The following TRPM6 variants were observed in gnomAD, a reference collection of about 807,000 sequenced individuals.
TRPM6 encodes channel kinase 2.
Under a neutral mutation model 247.6 loss-of-function variants are expected in TRPM6, and 111 were observed. That is an observed-to-expected ratio of 0.45 (90% CI 0.38 to 0.52). The LOEUF (loss-of-function observed/expected upper bound fraction) is 0.52. Ranked by LOEUF, TRPM6 falls within the 20% of genes least tolerant of loss-of-function variation. The probability of loss-of-function intolerance (pLI) is 0.00; values close to 1 mark genes in which losing one functional copy is unlikely to be tolerated. For missense variants in TRPM6, 2,126 were observed against 2,421.5 expected (o/e 0.88, Z 2.56); for synonymous variants, 892 against 853.8 (o/e 1.04, Z -0.78).
chr9:74,782,222 T>A (rs1373743915), intron 23 of TRPM6, 140 bp downstream of exon 23: 6 of 638,440 alleles, frequency 9.4e-6, no homozygotes, highest in Non-Finnish European at 1.7e-5. Flanking sequence ...AGTAGTTTTA[T>A]GTGCATATTT....
intron 30 of TRPM6, among the ~76,000 whole-genome samples, chr9:74,749,221 C>T (rs1206860448): frequency 1.3e-5 from 2 of 152,114 alleles, no homozygotes; most frequent in East Asian, 3.9e-4. Context: ...TGTATCCTGT[C>T]GTTAATTGAT....
At chr9:74,779,187 G>A (rs1827330093) in intron 23 of TRPM6, among the ~76,000 whole-genome samples, 1 of 152,162 alleles carries the variant, frequency 6.6e-6, no homozygotes, top group African/African-American at 2.4e-5. Context: ...TGAGGTGGGA[G>A]GATTGCTTGA....
chr9:74,839,959 G>GA (rs1344997956), intron 5 of TRPM6, 65 bp downstream of exon 5: 20 of 1,174,810 alleles, frequency 1.7e-5, no homozygotes, highest in Non-Finnish European at 2.4e-5. Context: ...AGAAAAGAGG[G>GA]AGAGAGGGAG....
At chr9:74,739,265 G>A in intron 35 of TRPM6, 102 bp downstream of exon 35, 5 of 1,139,804 alleles carry the variant, frequency 4.4e-6, no homozygotes, top group South Asian at 2.5e-5. Flanking sequence ...AAGATCATGG[G>A]GAATTTCCCC....
chr9:74,887,511 C>T (rs1344094563), intron 1 of TRPM6: 1 of 1,157,288 alleles, frequency 8.6e-7, no homozygotes, highest in Non-Finnish European at 1.2e-6. Context: ...TGTTTCCCAC[C>T]GCCCCGAGCT....
chr9:74,801,203 G>T (rs1374929469), intron 16 of TRPM6, among the ~76,000 whole-genome samples: 1 of 144,986 alleles, frequency 6.9e-6, no homozygotes, highest in Admixed American at 6.9e-5. Context: ...GTCCCAAAGT[G>T]CTGAGATTAA....
Position 74,887,839 on chromosome 9 carries a change from G to A in TRPM6, c.18C>T (p.Val6=), listed in dbSNP as rs778651330. 6.2e-7 allele frequency: 1 copy of A among 1,614,020 alleles called. No homozygotes were observed. The highest frequency in any genetic ancestry group is 1.7e-5 in the Admixed American group (1 of 60,000). ...CTGAGCTTACCTGCAAGCGCTCCAA[G>A]ACAGGTTGTTCTTTCATCTTTGATT... MKEQP[V]LERLQSQKSW... Residue 6 remains valine, a synonymous_variant, in exon 1 of 39, where the codon GTC becomes GTT. Coordinates refer to ENST00000360774, the MANE Select transcript of TRPM6 (RefSeq NM_017662.5).
Position 74,741,846 on chromosome 9 carries a change from C to T in TRPM6, c.5200+715G>A, listed in dbSNP as rs185500562. Among the ~76,000 whole-genome samples the T allele has an allele frequency of 8.6e-4, 131 of 151,658 alleles. 1 individual carries two copies. Among genetic ancestry groups the T allele is most frequent in the Admixed American group, 7.0e-3 (106 of 15,196 alleles). On this transcript the variant is annotated intron_variant, in intron 33 of 38. Coordinates refer to ENST00000360774, the MANE Select transcript of TRPM6 (RefSeq NM_017662.5). The stretch of plus-strand genomic sequence containing the variant: ...CAGAGGTTAGAGTGAGCCAAGATCC[C>T]GCCATTGCACTCCAGCCTGGGCAAC...
chr9:74,771,768 G>A lies in TRPM6; in HGVS notation c.3471C>T (p.Tyr1157=), dbSNP rs1827050630. 3.1e-6 allele frequency: 5 copies of A among 1,613,368 alleles called. No individual in the cohort carries two copies. Among genetic ancestry groups the A allele is most frequent in the Non-Finnish European group, 3.4e-6 (4 of 1,179,410 alleles). Residue 1157 remains tyrosine (Y), a synonymous_variant, in exon 25 of 39, where the codon TAC becomes TAT. Transcript: ENST00000360774. ...HDFEEQCVEK[Y]FHEKMEDVNC... ...TCACATCTTCCATCTTCTCATGGAA[G>A]TATTTTTCCACGCACTGCTCCTCAA...
chr9:74,729,969 G>T (rs969582393), intron 37 of TRPM6, among the ~76,000 whole-genome samples: 4 of 152,074 alleles, frequency 2.6e-5, no homozygotes, highest in African/African-American at 9.7e-5. Context: ...TAAGACAAAA[G>T]AATCAAAATT....
Position 74,886,631 on chromosome 9 carries a change from G to A in TRPM6, c.33+1193C>T, listed in dbSNP as rs1262479423. Among the ~76,000 whole-genome samples, 5 of 152,146 alleles carry A rather than the reference G, an allele frequency of 3.3e-5. No individual in the cohort carries two copies. In the East Asian group the frequency reaches 7.7e-4, roughly 24 times the overall value. On this transcript the variant is annotated intron_variant, in intron 1 of 38. Transcript: ENST00000360774. Reference sequence around the variant, plus strand: ...CTCACCTGTAAACCGGTGGAGATGGGAGAGACAGGATACTTGGACTTTATA... The same window carrying A: ...CTCACCTGTAAACCGGTGGAGATGGAAGAGACAGGATACTTGGACTTTATA...
chr9:74,760,334 C>T (rs1235088197), intron 27 of TRPM6, among the ~76,000 whole-genome samples: 1 of 152,124 alleles, frequency 6.6e-6, no homozygotes, highest in East Asian at 1.9e-4. Flanking sequence ...TGCTTAGATA[C>T]ACAAATACCA....
chr9:74,876,128 G>A (rs1438309173), intron 1 of TRPM6, among the ~76,000 whole-genome samples: 1 of 152,126 alleles, frequency 6.6e-6, no homozygotes, highest in East Asian at 1.9e-4. Flanking sequence ...TTGTCGCCCA[G>A]GCTGGAATGC....
rs1587455958 is a variant in TRPM6, at chr9:74,739,302, G to T, written c.5570+65C>A. 3 of 1,376,224 alleles carry T rather than the reference G, an allele frequency of 2.2e-6. No homozygotes were observed. The East Asian group carries it at 6.9e-5, about 31-fold the overall frequency. The allele number at this position is 1,376,224 out of a possible 1,614,324, so 85.3% of individuals were successfully genotyped here. On this transcript the variant is annotated intron_variant, in intron 35 of 38. Coordinates refer to ENST00000360774, the MANE Select transcript of TRPM6 (RefSeq NM_017662.5). The stretch of plus-strand genomic sequence containing the variant: ...TGGATAAGATTTCTCATGAGTAATG[G>T]GCTGAGAAGACGTGATAGAAATTCC...
chr9:74,849,748 T>G (rs975994154), intron 3 of TRPM6, among the ~76,000 whole-genome samples: 1 of 152,178 alleles, frequency 6.6e-6, no homozygotes, highest in African/African-American at 2.4e-5. Flanking sequence ...AGGAAGCATC[T>G]AGGAAGCGAT....
intron 8 of TRPM6, 100 bp from the exon 9 acceptor site, chr9:74,820,527 G>A: frequency 1.4e-6 from 2 of 1,440,402 alleles, no homozygotes; most frequent in Non-Finnish European, 1.9e-6. Flanking sequence ...GACTGAAAAG[G>A]TGTCTATGGA....
chr9:74,790,553 A>G (rs192186759), intron 19 of TRPM6, among the ~76,000 whole-genome samples: 2 of 152,164 alleles, frequency 1.3e-5, no homozygotes, highest in African/African-American at 2.4e-5. Flanking sequence ...ACGTACATTA[A>G]TGGTCTCCCC....
chr9:74,750,330 ACT>A (rs1297559768), intron 30 of TRPM6, among the ~76,000 whole-genome samples: 1 of 152,212 alleles, frequency 6.6e-6, no homozygotes, highest in Non-Finnish European at 1.5e-5. Context: ...ACTGATTTCT[ACT>A]CTTTTATGCA....
intron 26 of TRPM6, 24 bp from the exon 27 acceptor site, chr9:74,761,832 G>A: frequency 2.5e-6 from 4 of 1,571,758 alleles, no homozygotes; most frequent in East Asian, 2.2e-5. Flanking sequence ...GTCTACATGA[G>A]AAAGTTGACA....
Sources: allele counts gnomAD v4.1 joint callset (sites outside exome capture counted in the v4.1 genomes callset), GRCh38; gene constraint gnomAD v4.1.1; transcripts MANE v1.5; gene names NCBI Gene and HGNC (gene_info 2026-07-23, HGNC 2026-07-21).